The following UGT2A2 variants were observed in gnomAD, a reference collection of about 807,000 sequenced individuals.
The protein encoded by UGT2A2 is UDP-glucuronosyltransferase 2A2.
UGT2A2 carries 60 observed loss-of-function variants against 50.7 expected under a neutral mutation model. The observed-to-expected ratio is 1.18, with a 90% CI of 0.96 to 1.47. The LOEUF (loss-of-function observed/expected upper bound fraction) is 1.47, where lower values mean the gene tolerates loss of function less well. Among genes scored for constraint, UGT2A2 ranks in the 40% most tolerant of loss-of-function variants. The pLI is 0.00. For synonymous variants in UGT2A2, 242 were observed against 214.6 expected (o/e 1.13, Z -1.11); for missense variants, 762 against 634.0 (o/e 1.20, Z -2.17).
intron 1 of UGT2A2, among the ~76,000 whole-genome samples, chr4:69,625,552 T>C (rs542197267): frequency 1.3e-5 from 2 of 151,350 alleles, no homozygotes; most frequent in East Asian, 1.9e-4. Flanking sequence ...TACTATCCAA[T>C]GTATTTTTAA....
At chr4:69,608,143 C>A (rs6832784) in intron 1 of UGT2A2, among the ~76,000 whole-genome samples, 38,620 of 151,858 alleles carry the variant, frequency 0.25, 5,367 homozygotes, top group African/African-American at 0.36. Context: ...CAGCGCTATT[C>A]ACAATAGCAA....
chr4:69,612,874 A>G lies in UGT2A2; in HGVS notation c.743-13480T>C, dbSNP rs150974962. ...AATTGCAACTGAAACAAAAATTGAC[A>G]TGTGGGGCATAATTAAATAAAGAAC... On this transcript the variant is annotated intron_variant, in intron 1 of 5. Coordinates refer to ENST00000604629, the MANE Select transcript of UGT2A2 (RefSeq NM_001105677.2). Among the ~76,000 whole-genome samples, 657 of 148,616 alleles carry G rather than the reference A, an allele frequency of 4.4e-3. 7 individuals carry two copies. Among genetic ancestry groups the G allele is most frequent in the African/African-American group, 0.015 (602 of 40,404 alleles).
At chr4:69,615,659 G>A (rs1483588355) in intron 1 of UGT2A2, among the ~76,000 whole-genome samples, 1 of 151,864 alleles carries the variant, frequency 6.6e-6, no homozygotes, top group East Asian at 1.9e-4. Flanking sequence ...AAACTATAAT[G>A]AGATATCATC....
At chr4:69,607,901 A>G (rs2109909508) in intron 1 of UGT2A2, among the ~76,000 whole-genome samples, 1 of 152,338 alleles carries the variant, frequency 6.6e-6, no homozygotes, top group Non-Finnish European at 1.5e-5. Context: ...AATGGCGATC[A>G]TTAAAAAGTC....
intron 1 of UGT2A2, among the ~76,000 whole-genome samples, chr4:69,624,170 C>G (rs1236551630): frequency 6.6e-6 from 1 of 151,500 alleles, no homozygotes; most frequent in Non-Finnish European, 1.5e-5. Flanking sequence ...CTCTTAGGTA[C>G]ACACATATTT....
chr4:69,626,392 G>T (rs1400675258), intron 1 of UGT2A2, among the ~76,000 whole-genome samples: 1 of 150,778 alleles, frequency 6.6e-6, no homozygotes, highest in Non-Finnish European at 1.5e-5. Context: ...TTTTATATAC[G>T]TATGTATACA....
chr4:69,597,382 T>C (rs1718990704), intron 2 of UGT2A2, among the ~76,000 whole-genome samples: 1 of 152,196 alleles, frequency 6.6e-6, no homozygotes, highest in Non-Finnish European at 1.5e-5. Flanking sequence ...TATAAATTTG[T>C]CTGCCAATAA....
At position 69,632,974 on chromosome 4, in the gene UGT2A2, C is replaced by T. The variant is rs144463136; in HGVS notation, c.742+5925G>A. Among the ~76,000 whole-genome samples, 317 of 151,606 alleles carry T rather than the reference C, an allele frequency of 2.1e-3. 3 individuals are homozygous for T. The highest frequency in any genetic ancestry group is 7.3e-3 in the African/African-American group (302 of 41,282). ...TGCACTAGAGATTCTTGATGGCTTACAAACCGGACGTGGGTGACAATTTAA... is the reference window on the plus strand; with the variant it reads ...TGCACTAGAGATTCTTGATGGCTTATAAACCGGACGTGGGTGACAATTTAA... On this transcript the variant is annotated intron_variant, in intron 1 of 5. Transcript: ENST00000604629.
intron 1 of UGT2A2, among the ~76,000 whole-genome samples, chr4:69,631,118 T>C (rs1283102416): frequency 6.6e-6 from 1 of 152,118 alleles, no homozygotes; most frequent in Admixed American, 6.5e-5. Flanking sequence ...TATCTCAATA[T>C]CAAATGCTTT....
At chr4:69,600,169 T>C (rs1024219304) in intron 1 of UGT2A2, among the ~76,000 whole-genome samples, 8 of 152,228 alleles carry the variant, frequency 5.3e-5, no homozygotes, top group African/African-American at 1.9e-4. Flanking sequence ...CTCTGGGATA[T>C]ATACACCCAC....
At chr4:69,618,314 G>T (rs924239906) in intron 1 of UGT2A2, among the ~76,000 whole-genome samples, 1 of 148,088 alleles carries the variant, frequency 6.8e-6, no homozygotes, top group Non-Finnish European at 1.5e-5. Context: ...TGTTTTTGGG[G>T]CATTAAATTA....
intron 1 of UGT2A2, among the ~76,000 whole-genome samples, chr4:69,634,333 A>G (rs1175906917): frequency 1.3e-5 from 2 of 152,050 alleles, no homozygotes; most frequent in African/African-American, 4.8e-5. Context: ...ATAAGAAGGA[A>G]TTGGAAGGCT....
chr4:69,601,414 T>C (rs1254143524), intron 1 of UGT2A2, among the ~76,000 whole-genome samples: 29 of 152,050 alleles, frequency 1.9e-4, no homozygotes, highest in Admixed American at 1.9e-3. Context: ...CTGGGTAACA[T>C]AAGGCAAGCA....
intron 1 of UGT2A2, among the ~76,000 whole-genome samples, chr4:69,620,801 C>A (rs1406323976): frequency 6.6e-6 from 1 of 151,682 alleles, no homozygotes; most frequent in East Asian, 1.9e-4. Flanking sequence ...GAAACATAGA[C>A]AAAGGAAACA....
chr4:69,595,693 A>G (rs1011093930), intron 3 of UGT2A2, among the ~76,000 whole-genome samples: 1 of 152,232 alleles, frequency 6.6e-6, no homozygotes, highest in African/African-American at 2.4e-5. Context: ...ATTGAATAAC[A>G]TAAGTCAGAA....
intron 5 of UGT2A2, among the ~76,000 whole-genome samples, chr4:69,591,867 G>T (rs2109874367): frequency 6.6e-6 from 1 of 152,274 alleles, no homozygotes; most frequent in African/African-American, 2.4e-5. Flanking sequence ...TAATTGACTA[G>T]TCATTAAAGT....
intron 1 of UGT2A2, among the ~76,000 whole-genome samples, chr4:69,624,620 T>C (rs2109942565): frequency 6.6e-6 from 1 of 151,508 alleles, no homozygotes; most frequent in East Asian, 1.9e-4. Flanking sequence ...TAAATATTCT[T>C]TTTTTGCTCT....
chr4:69,601,852 G>A (rs1719317547), intron 1 of UGT2A2, among the ~76,000 whole-genome samples: 1 of 136,492 alleles, frequency 7.3e-6, no homozygotes, highest in South Asian at 2.4e-4. Context: ...GTCTAGAGGA[G>A]CAGCAGCACT....
At chr4:69,624,075 G>A (rs561311753) in intron 1 of UGT2A2, among the ~76,000 whole-genome samples, 51 of 151,626 alleles carry the variant, frequency 3.4e-4, no homozygotes, top group African/African-American at 1.0e-3. Flanking sequence ...ATTACTGAGA[G>A]AGGACCATCA....
Sources: gnomAD v4.1 joint callset for allele counts (sites outside exome capture counted in the v4.1 genomes callset) on GRCh38, gnomAD v4.1.1 for gene constraint, MANE v1.5 for transcripts, NCBI Gene and HGNC (gene_info 2026-07-23, HGNC 2026-07-21) for gene names.